DUS1L: variants seen among roughly 807,000 people sequenced by gnomAD.
DUS1L encodes the protein tRNA-dihydrouridine(16/17) synthase [NAD(P)(+)]-like.
Under a neutral mutation model 61.2 loss-of-function variants are expected in DUS1L, and 56 were observed. The ratio of observed to expected loss-of-function variants is 0.92; its 90% confidence interval spans 0.74 to 1.14. The LOEUF (loss-of-function observed/expected upper bound fraction) is 1.14, where lower values mean the gene tolerates loss of function less well. Ranked by LOEUF, DUS1L falls within the 50% of genes most tolerant of loss-of-function variation. The pLI is 0.00. For synonymous variants in DUS1L, 278 were observed against 259.5 expected (o/e 1.07, Z -0.69); for missense variants, 630 against 632.4 (o/e 1.00, Z 0.04).
chr17:82,061,776 C>T, intron 6 of DUS1L, 55 bp from the exon 7 acceptor site: 1 of 1,598,812 alleles, frequency 6.3e-7, no homozygotes, highest in Non-Finnish European at 8.6e-7. Flanking sequence ...CCAGGTGATG[C>T]TGCCCCCAGC....
intron 5 of DUS1L, 75 bp downstream of exon 5, chr17:82,062,785 AG>A: frequency 7.5e-7 from 1 of 1,324,572 alleles, no homozygotes; most frequent in Non-Finnish European, 1.1e-6. Flanking sequence ...GTCTGGACAC[AG>A]GAAGAGCCTC....
intron 5 of DUS1L, among the ~76,000 whole-genome samples, chr17:82,062,607 G>A (rs1346428849): frequency 6.6e-6 from 1 of 152,252 alleles, no homozygotes; most frequent in East Asian, 1.9e-4. Flanking sequence ...TGTGACACTA[G>A]GAATATGTCA....
chr17:82,063,196 G>T, intron 4 of DUS1L: 1 of 631,188 alleles, frequency 1.6e-6, no homozygotes, highest in Non-Finnish European at 2.8e-6. Flanking sequence ...GCCAAGGCCG[G>T]CTCTGTCTCC....
At chr17:82,058,445 G>C (rs1367587737) in intron 12 of DUS1L, 29 bp from the exon 13 acceptor site, 8 of 1,483,314 alleles carry the variant, frequency 5.4e-6, no homozygotes, top group Non-Finnish European at 7.2e-6. Context: ...GGGAGCCTGT[G>C]GCCAGCACCA....
rs748372732 is a variant in DUS1L at position 82,059,983 on chromosome 17, C to A, written c.1133G>T (p.Arg378Met). Reference protein sequence around the residue: ...LSKNKQKKQLRNPHKTFDPSL... With the variant: ...LSKNKQKKQLMNPHKTFDPSL... ...GGGGTCGAAGGTCTTGTGGGGGTTC[C>A]TCAGCTGCTTCTTTTGCTTGTTCTT... The change falls in exon 11 of 14, where the codon AGG (arginine) becomes ATG (methionine). Residue 378 changes from arginine to methionine, a missense_variant. Transcript: ENST00000306796. 1 of 1,614,000 alleles carries A rather than the reference C, an allele frequency of 6.2e-7. No individual in the cohort carries two copies. The highest frequency in any genetic ancestry group is 8.5e-7 in the Non-Finnish European group (1 of 1,179,990).
At chr17:82,061,517 A>C in intron 7 of DUS1L, 101 bp downstream of exon 7, 1 of 1,438,112 alleles carries the variant, frequency 7.0e-7, no homozygotes, top group Non-Finnish European at 9.5e-7. Flanking sequence ...ATCTGTGAAC[A>C]GCACCATGGG....
At chr17:82,065,187 G>C (rs2033712407) in intron 1 of DUS1L, 118 bp from the exon 2 acceptor site, 2 of 883,986 alleles carry the variant, frequency 2.3e-6, no homozygotes, top group South Asian at 3.6e-5. Context: ...GGTCACACGC[G>C]GGGGCACTAA....
intron 11 of DUS1L, 146 bp downstream of exon 11, chr17:82,059,802 T>C: frequency 1.7e-6 from 2 of 1,197,870 alleles, no homozygotes; most frequent in South Asian, 1.4e-5. Context: ...TCTGGCTGAC[T>C]ACTCCGCCAA....
Position 82,064,889 on chromosome 17 carries a change from G to T in DUS1L, c.171C>A (p.Asp57Glu), listed in dbSNP as rs1479771658. ...ACAGGTTCTCCTTCCGGTAGTTGGC[G>T]TCGCGGACAAAGACCTGGGCATGCA... ...PMLHAQVFVRDANYRKENLYC... is the reference protein window; with the variant it reads ...PMLHAQVFVREANYRKENLYC... Residue 57 changes from aspartate to glutamate, a missense_variant, in exon 2 of 14, where the codon GAC becomes GAA. Transcript: ENST00000306796. 2.6e-5 allele frequency: 42 copies of T among 1,612,630 alleles called. No homozygotes were observed. Among genetic ancestry groups the T allele is most frequent in the Non-Finnish European group, 3.1e-5 (36 of 1,179,886 alleles).
rs758273015 is a variant in DUS1L, at chr17:82,060,703, C to T, written c.1020G>A (p.Pro340=). The change falls in exon 10 of 14, where the codon CCG becomes CCA. Residue 340 remains proline, a splice_region_variant and synonymous_variant. Transcript: ENST00000306796. ...CCCAGGGCTGGCTGGGCTCTCACCC[C>T]GGCCGGATGTAGGGCTGGCAGATCC... The part of the protein sequence containing the change: ...FHWICQPYIR[P]GPREGSKEKA... The T allele has an allele frequency of 3.4e-5, 55 of 1,612,398 alleles. No homozygotes were observed. Among genetic ancestry groups the T allele is most frequent in the Admixed American group, 8.3e-5 (5 of 59,940 alleles).
chr17:82,063,421 T>C, intron 4 of DUS1L, 47 bp downstream of exon 4: 1 of 1,613,174 alleles, frequency 6.2e-7, no homozygotes, highest in Non-Finnish European at 8.5e-7. Flanking sequence ...CATGTGTCCC[T>C]CTTGAGGGTC....
intron 2 of DUS1L, 31 bp downstream of exon 2, chr17:82,064,792 C>T: frequency 1.3e-6 from 2 of 1,578,742 alleles, no homozygotes; most frequent in Non-Finnish European, 8.6e-7. Context: ...GGAACCCAAC[C>T]GCGGCCGCGG....
chr17:82,064,273 G>A, intron 2 of DUS1L, 39 bp from the exon 3 acceptor site: 2 of 1,570,994 alleles, frequency 1.3e-6, no homozygotes, highest in Non-Finnish European at 1.7e-6. Flanking sequence ...GCCCAGCCAG[G>A]CCCTAGTCCC....
In DUS1L at chr17:82,057,822, C is replaced by CT; in HGVS notation, c.*292_*293insA. On this transcript the variant is annotated 3_prime_UTR_variant, in exon 14 of 14. Coordinates refer to ENST00000306796, the MANE Select transcript of DUS1L (RefSeq NM_022156.5). ...CCCCCACTGGCCCCAACCGCACCTG[C>CT]CCCGGCTCATGCCTCCCTGGGTCTG... 3.3e-6 allele frequency: 1 copy of CT among 302,234 alleles called. No individual in the cohort carries two copies. The highest frequency in any genetic ancestry group is 6.1e-6 in the Non-Finnish European group (1 of 163,126). 18.7% of individuals were successfully genotyped at this position (302,234 alleles called of 1,614,324 possible).
rs113506332 is a variant in DUS1L, at chr17:82,062,665, G to A, written c.510+196C>T. Among the ~76,000 whole-genome samples the A allele has an allele frequency of 1.9e-3, 289 of 152,374 alleles. 2 individuals are homozygous for A. The highest frequency in any genetic ancestry group is 6.5e-3 in the African/African-American group (270 of 41,592). ...CACAGGGACAAAACCCTGGAGCCAG[G>A]AAAGCAGTTTCTGTTGTAGAGGCCT... On this transcript the variant is annotated intron_variant, in intron 5 of 13. Coordinates refer to ENST00000306796, the MANE Select transcript of DUS1L (RefSeq NM_022156.5).
chr17:82,059,876 T>G, intron 11 of DUS1L, 72 bp downstream of exon 11: 1 of 1,593,476 alleles, frequency 6.3e-7, no homozygotes, highest in Non-Finnish European at 8.6e-7. Flanking sequence ...TCTGGGTTCC[T>G]GTTACTGGCA....
chr17:82,063,445 C>T, intron 4 of DUS1L, 23 bp downstream of exon 4: 2 of 1,613,760 alleles, frequency 1.2e-6, no homozygotes, highest in Non-Finnish European at 1.7e-6. Flanking sequence ...GGGGGTCCTT[C>T]ACCATCCACC....
chr17:82,061,248 G>C lies in DUS1L; in HGVS notation c.803C>G (p.Ser268Cys). The C allele has an allele frequency of 1.9e-6, 3 of 1,609,208 alleles. No individual in the cohort carries two copies. Among genetic ancestry groups the C allele is most frequent in the Non-Finnish European group, 2.5e-6 (3 of 1,177,768 alleles). Residue 268 changes from serine (S) to cysteine (C), a missense_variant, in exon 8 of 14, where the codon TCC becomes TGC. Transcript: ENST00000306796. ...CTTGAAGAGGTGGGCCCGGACGTAGGACAGGGGGCAGGGGTGCTCCCGCAC... is the reference window on the plus strand; with the variant it reads ...CTTGAAGAGGTGGGCCCGGACGTAGCACAGGGGGCAGGGGTGCTCCCGCAC... ...DIVREHPCPLSYVRAHLFKLW... is the reference protein window; with the variant it reads ...DIVREHPCPLCYVRAHLFKLW...
chr17:82,058,651 CA>C, intron 12 of DUS1L, 129 bp downstream of exon 12: 1 of 1,547,420 alleles, frequency 6.5e-7, no homozygotes, highest in Non-Finnish European at 8.7e-7. Flanking sequence ...CTGAGGCATC[CA>C]TGCCACCTTG....
Sources: allele counts gnomAD v4.1 joint callset (sites outside exome capture counted in the v4.1 genomes callset), GRCh38; gene constraint gnomAD v4.1.1; transcripts MANE v1.5; gene names NCBI Gene and HGNC (gene_info 2026-07-23, HGNC 2026-07-21).